Variants in CYFIP2 observed in about 807,000 individuals in gnomAD.
CYFIP2 encodes the protein cytoplasmic FMR1 interacting protein 2.
A neutral mutation model predicts 158.7 loss-of-function variants in CYFIP2; 29 were observed. The observed-to-expected ratio is 0.18, with a 90% CI of 0.14 to 0.25. CYFIP2 has a LOEUF of 0.25. CYFIP2 is among the 10% of genes least tolerant of loss of function. CYFIP2 has a pLI of 1.00. For synonymous variants in CYFIP2, 585 were observed against 617.6 expected, an observed-to-expected ratio of 0.95 and a Z score of 0.78; for missense variants, 852 against 1,639.5, an observed-to-expected ratio of 0.52 and a Z score of 8.29.
intron 13 of CYFIP2, among the ~76,000 whole-genome samples, chr5:157,317,017 C>G (rs922564674): frequency 6.6e-6 from 1 of 152,046 alleles, no homozygotes; most frequent in African/African-American, 2.4e-5. Context: ...CATCCTCAAG[C>G]CTATTTAAAG....
At chr5:157,348,688 A>G (rs1192689221) in intron 23 of CYFIP2, among the ~76,000 whole-genome samples, 2 of 152,160 alleles carry the variant, frequency 1.3e-5, no homozygotes, top group Non-Finnish European at 2.9e-5. Flanking sequence ...CTGGGATTAC[A>G]GGCGTGAGCC....
intron 29 of CYFIP2, among the ~76,000 whole-genome samples, chr5:157,390,098 T>A (rs920893997): frequency 3.3e-5 from 5 of 152,196 alleles, no homozygotes; most frequent in Admixed American, 6.5e-5. Flanking sequence ...TTCAGCCTGC[T>A]TCTGGCCAGT....
At chr5:157,339,329 C>T in intron 22 of CYFIP2, 73 bp downstream of exon 22, 1 of 1,371,646 alleles carries the variant, frequency 7.3e-7, no homozygotes, top group Admixed American at 1.7e-5. Context: ...CCAAACTAGG[C>T]CCAGTACATG....
chr5:157,284,749 C>G, intron 1 of CYFIP2, among the ~76,000 whole-genome samples: 1 of 152,142 alleles, frequency 6.6e-6, no homozygotes, highest in Non-Finnish European at 1.5e-5. Flanking sequence ...ACAAAACATA[C>G]CCAGGTCAAG....
intron 1 of CYFIP2, chr5:157,269,660 T>C (rs1272269405): frequency 6.6e-6 from 1 of 152,212 alleles, no homozygotes; most frequent in Non-Finnish European, 1.5e-5. Flanking sequence ...TGTGACTCTT[T>C]TGGGTAAATG....
At chr5:157,358,108 T>G (rs1441568737) in intron 23 of CYFIP2, among the ~76,000 whole-genome samples, 1 of 152,182 alleles carries the variant, frequency 6.6e-6, no homozygotes, top group Non-Finnish European at 1.5e-5. Flanking sequence ...AGCCTGGCAT[T>G]AGGTGCTCCG....
At chr5:157,279,588 G>A (rs1230349550) in intron 1 of CYFIP2, among the ~76,000 whole-genome samples, 1 of 152,132 alleles carries the variant, frequency 6.6e-6, no homozygotes, top group Non-Finnish European at 1.5e-5. Context: ...GAAGCAAATT[G>A]CTTGTGTGCC....
intron 20 of CYFIP2, among the ~76,000 whole-genome samples, chr5:157,331,262 A>C (rs1283495631): frequency 6.6e-6 from 1 of 151,776 alleles, no homozygotes; most frequent in Non-Finnish European, 1.5e-5. Flanking sequence ...CCACGGTAGA[A>C]ATTGGGTTTT....
At chr5:157,352,227 G>C (rs1209794649) in intron 23 of CYFIP2, among the ~76,000 whole-genome samples, 1 of 152,092 alleles carries the variant, frequency 6.6e-6, no homozygotes, top group African/African-American at 2.4e-5. Context: ...GTTTGGCCTG[G>C]TTGTCACAAG....
intron 1 of CYFIP2, among the ~76,000 whole-genome samples, chr5:157,267,985 C>T (rs1755754434): frequency 1.3e-5 from 2 of 152,248 alleles, no homozygotes; most frequent in South Asian, 2.1e-4. Flanking sequence ...TCAGGTGTTA[C>T]TGTCACCAGA....
At chr5:157,342,699 G>T in intron 23 of CYFIP2, 1 of 677,116 alleles carries the variant, frequency 1.5e-6, no homozygotes, top group Non-Finnish European at 2.4e-6. Flanking sequence ...ACATTTTCCA[G>T]CTTGAGAAGC....
Position 157,389,367 on chromosome 5 carries a change from T to C in CYFIP2, c.3386T>C (p.Leu1129Pro). 1 of 1,613,536 alleles carries C rather than the reference T, an allele frequency of 6.2e-7. No homozygotes were observed. Among genetic ancestry groups the C allele is most frequent in the Non-Finnish European group, 8.5e-7 (1 of 1,179,624 alleles). ...GATGAGTGTGTGGAGTTCCACCGGC[T>C]GTGGAGCGCCATGCAGTTCGTGTAC... ...HVDECVEFHR[L>P]WSAMQFVYCI... The change falls in exon 29 of 31, where the codon CTG (leucine) becomes CCG (proline). Residue 1129 changes from leucine to proline, a missense_variant. Leu to Pro is a moderately conservative substitution (Grantham distance 98, BLOSUM62 -3). Around this residue, in one of 8 missense-constraint regions of CYFIP2, gnomAD observed 223 missense variants for 381.6 expected, o/e 0.58. Coordinates refer to ENST00000620254, the MANE Select transcript of CYFIP2 (RefSeq NM_001037333.3).
At chr5:157,382,500 C>A in intron 26 of CYFIP2, 90 bp from the exon 27 acceptor site, 1 of 1,372,588 alleles carries the variant, frequency 7.3e-7, no homozygotes, top group Middle Eastern at 1.8e-4. Flanking sequence ...CCAGGTCTAG[C>A]TAACTCCAGT....
chr5:157,315,126 C>T (rs530374767), intron 13 of CYFIP2, 32 bp downstream of exon 13: 1 of 1,611,278 alleles, frequency 6.2e-7, no homozygotes, highest in Admixed American at 1.7e-5. Flanking sequence ...CTCCCTCCCT[C>T]CCCAAGGCTG....
At position 157,324,087 on chromosome 5, in the gene CYFIP2, C is replaced by G; in HGVS notation, c.1825+13C>G. The G allele has an allele frequency of 6.2e-7, 1 of 1,604,524 alleles. No homozygotes were observed. On this transcript the variant is annotated intron_variant, in intron 16 of 30. Transcript: ENST00000620254. The stretch of plus-strand genomic sequence containing the variant: ...CTCAACATCAGTGGTGAGCTGCATC[C>G]CATCCCTGCTAAGGCATGGGAGGAG...
chr5:157,354,504 G>A (rs546923088), intron 23 of CYFIP2, among the ~76,000 whole-genome samples: 1 of 152,210 alleles, frequency 6.6e-6, no homozygotes, highest in African/African-American at 2.4e-5. Context: ...CTTCGGGGAT[G>A]AGTGTGTGTG....
chr5:157,358,328 A>G (rs1178601804), intron 23 of CYFIP2, among the ~76,000 whole-genome samples: 1 of 152,240 alleles, frequency 6.6e-6, no homozygotes, highest in South Asian at 2.1e-4. Flanking sequence ...GCCAGCATCA[A>G]GCCAGAGCAG....
In CYFIP2 at chr5:157,339,040, GCT is replaced by G. The variant is rs1762061107; in HGVS notation, c.2386-8_2386-7del. The G allele has an allele frequency of 3.7e-6, 6 of 1,601,920 alleles. No homozygotes were observed. The highest frequency in any genetic ancestry group is 1.7e-5 in the Admixed American group (1 of 58,620). On this transcript the variant is annotated splice_polypyrimidine_tract_variant and intron_variant, in intron 21 of 30. Coordinates refer to ENST00000620254, the MANE Select transcript of CYFIP2 (RefSeq NM_001037333.3). The stretch of plus-strand genomic sequence containing the variant: ...ACAAGCAAGTCCTCAGCAGTTGTGG[GCT>G]CTCTCTCTGTACAGGAGCTGGAGTG...
At chr5:157,381,676 A>C (rs2113506775) in intron 26 of CYFIP2, among the ~76,000 whole-genome samples, 1 of 152,310 alleles carries the variant, frequency 6.6e-6, no homozygotes, top group South Asian at 2.1e-4. Context: ...GCAGTTAAAC[A>C]GGAGTTGGGG....
Sources: gnomAD v4.1 joint callset for allele counts (sites outside exome capture counted in the v4.1 genomes callset) on GRCh38, gnomAD v4.1.1 for gene constraint, gnomAD v4.1.1 regional missense constraint, MANE v1.5 for transcripts, NCBI Gene and HGNC (gene_info 2026-07-23, HGNC 2026-07-21) for gene names.